Variants in MFSD2A observed in about 807,000 individuals in gnomAD.
The protein encoded by MFSD2A is sodium-dependent lysophosphatidylcholine symporter 1.
MFSD2A carries 27 observed loss-of-function variants against 64.7 expected under a neutral mutation model. That is an observed-to-expected ratio of 0.42 (90% CI 0.31 to 0.58). The LOEUF (loss-of-function observed/expected upper bound fraction) is 0.58. Among genes scored for constraint, MFSD2A ranks in the 20% least tolerant of loss-of-function variants. MFSD2A has a pLI of 0.18. For synonymous variants in MFSD2A, 258 were observed against 273.4 expected, an observed-to-expected ratio of 0.94 and a Z score of 0.55; for missense variants, 474 against 679.5, an observed-to-expected ratio of 0.70 and a Z score of 3.36.
intron 2 of MFSD2A, chr1:39,957,806 G>A (rs557476886): frequency 6.5e-6 from 1 of 152,734 alleles, no homozygotes; most frequent in African/African-American, 2.4e-5. Context: ...GGGAGAGTGG[G>A]AGGCAGAATA....
chr1:39,969,623 C>A lies in MFSD2A; in HGVS notation c.*55C>A. On this transcript the variant is annotated 3_prime_UTR_variant, in exon 14 of 14. Transcript: ENST00000372811. ...CAGAAGGCCACAGAAGGGATCAGGA[C>A]CTGTCTGCCGGCTTGCTGAGCAGCT... 1 of 1,531,466 alleles carries A rather than the reference C, an allele frequency of 6.5e-7. No homozygotes were observed. Among genetic ancestry groups the A allele is most frequent in the South Asian group, 1.2e-5 (1 of 85,250 alleles). 94.9% of individuals were successfully genotyped at this position (1,531,466 alleles called of 1,614,324 possible).
chr1:39,955,800 T>G lies in MFSD2A; in HGVS notation c.93+415T>G, dbSNP rs1338538034. 2.6e-6 allele frequency: 1 copy of G among 378,322 alleles called. No individual in the cohort carries two copies. The highest frequency in any genetic ancestry group is 2.0e-5 in the South Asian group (1 of 50,684). 23.4% of individuals were successfully genotyped at this position (378,322 alleles called of 1,614,324 possible). ...CCCACCTACTCTTGCGCCTCAACTCTGCTGTTAGGGCCGCTCAAGTTCATT... is the reference window on the plus strand; with the variant it reads ...CCCACCTACTCTTGCGCCTCAACTCGGCTGTTAGGGCCGCTCAAGTTCATT... On this transcript the variant is annotated intron_variant, in intron 1 of 13. Transcript: ENST00000372811. This position sits in a 1 kb window ranked among gnomAD's most constrained non-coding sequence, Gnocchi z 5.9.
chr1:39,965,383 C>A lies in MFSD2A; in HGVS notation c.477+49C>A. Reference sequence around the variant, plus strand: ...GTGTCTCTAGGGGCCGGGAGGAGGGCGGTCCTTGGGGCCCCCAGGGTTGGT... The same window carrying A: ...GTGTCTCTAGGGGCCGGGAGGAGGGAGGTCCTTGGGGCCCCCAGGGTTGGT... On this transcript the variant is annotated intron_variant, in intron 4 of 13. Coordinates refer to ENST00000372811, the MANE Select transcript of MFSD2A (RefSeq NM_032793.5). This position sits in a 1 kb window ranked among gnomAD's most constrained non-coding sequence, Gnocchi z 5.5. The A allele has an allele frequency of 6.2e-7, 1 of 1,613,362 alleles. No homozygotes were observed. Among genetic ancestry groups the A allele is most frequent in the Non-Finnish European group, 8.5e-7 (1 of 1,179,616 alleles).
intron 3 of MFSD2A, chr1:39,962,609 C>T: frequency 1.3e-6 from 1 of 793,692 alleles, no homozygotes; most frequent in South Asian, 1.5e-5. Flanking sequence ...GGATGGGGAA[C>T]TCTGGTGCCT....
intron 3 of MFSD2A, among the ~76,000 whole-genome samples, chr1:39,962,264 C>T (rs949206987): frequency 4.6e-5 from 7 of 152,178 alleles, no homozygotes; most frequent in Non-Finnish European, 7.3e-5. Context: ...TCCCTTTGCC[C>T]GGTCCACTCT....
At chr1:39,961,346 G>GAA (rs1645039776) in intron 3 of MFSD2A, among the ~76,000 whole-genome samples, 3 of 9,848 alleles carry the variant, frequency 3.0e-4, no homozygotes. Context: ...CCCCCCCCCC[G>GAA]CTTTTTTTGT....
Position 39,965,044 on chromosome 1 carries a change from A to T in MFSD2A, c.354-167A>T. Reference sequence around the variant, plus strand: ...ATCTGCCATTCCGGGCTTGGTCATCAGCCTCTTCCCAGAGGCCCAGGATGG... The same window carrying T: ...ATCTGCCATTCCGGGCTTGGTCATCTGCCTCTTCCCAGAGGCCCAGGATGG... On this transcript the variant is annotated intron_variant, in intron 3 of 13. Transcript: ENST00000372811. The surrounding 1 kb of genome is among the most constrained non-coding windows in gnomAD (Gnocchi z 5.5). The T allele has an allele frequency of 1.1e-6, 1 of 887,028 alleles. No homozygotes were observed. Among genetic ancestry groups the T allele is most frequent in the Non-Finnish European group, 1.7e-6 (1 of 596,364 alleles). 54.9% of individuals were successfully genotyped at this position (887,028 alleles called of 1,614,324 possible). A position where few individuals can be genotyped will look rare whatever the true frequency, so the allele number is the denominator to read the frequency against.
At position 39,963,804 on chromosome 1, in the gene MFSD2A, G is replaced by A. The variant is rs1401848634; in HGVS notation, c.354-1407G>A. On this transcript the variant is annotated intron_variant, in intron 3 of 13. Transcript: ENST00000372811. The surrounding 1 kb of genome is among the most constrained non-coding windows in gnomAD (Gnocchi z 4.2). The stretch of plus-strand genomic sequence containing the variant: ...GGCTGGAGTGCAGTGGTGCGATCTC[G>A]GCTCACTGCAACCTCTGCCTCCCGG... 1.3e-5 allele frequency among the ~76,000 whole-genome samples: 2 copies of A among 152,126 alleles called. No homozygotes were observed. The highest frequency in any genetic ancestry group is 6.5e-5 in the Admixed American group (1 of 15,270).
Position 39,963,199 on chromosome 1 carries a change from G to T in MFSD2A, c.354-2012G>T, listed in dbSNP as rs1645083290. On this transcript the variant is annotated intron_variant, in intron 3 of 13. Coordinates refer to ENST00000372811, the MANE Select transcript of MFSD2A (RefSeq NM_032793.5). This position sits in a 1 kb window ranked among gnomAD's most constrained non-coding sequence, Gnocchi z 4.2. ...CCCAAGAAGCTGCTCATGATGGCTG[G>T]TATCGATGACTGCTACACCTCAGCC... 3.8e-6 allele frequency: 6 copies of T among 1,578,520 alleles called. No homozygotes were observed. The highest frequency in any genetic ancestry group is 5.2e-6 in the Non-Finnish European group (6 of 1,164,088).
At chr1:39,967,265 G>A (rs1645184239) in intron 9 of MFSD2A, 96 bp downstream of exon 9, 1 of 1,173,484 alleles carries the variant, frequency 8.5e-7, no homozygotes, top group Non-Finnish European at 1.2e-6. Context: ...TCTCAGGCTG[G>A]CCCAAGGTCA....
rs535504721 is a variant in MFSD2A at position 39,967,520 on chromosome 1, C to G, written c.1012-108C>G. The G allele has an allele frequency of 5.1e-6, 5 of 981,476 alleles. No homozygotes were observed. The East Asian group carries it at 1.2e-4, about 23-fold the overall frequency. 60.8% of individuals were successfully genotyped at this position (981,476 alleles called of 1,614,324 possible). On this transcript the variant is annotated intron_variant, in intron 9 of 13. Transcript: ENST00000372811. Reference sequence around the variant, plus strand: ...TTCGTTGCTGCCCACATGATGTCATCTGGCTGCTCTTGGGCAGGGCTGGGA... The same window carrying G: ...TTCGTTGCTGCCCACATGATGTCATGTGGCTGCTCTTGGGCAGGGCTGGGA...
intron 6 of MFSD2A, 21 bp from the exon 7 acceptor site, chr1:39,966,579 TG>T: frequency 1.9e-6 from 3 of 1,594,936 alleles, no homozygotes; most frequent in Middle Eastern, 1.7e-4. Context: ...CATCCTTGTA[TG>T]TCGCCTTCAC....
chr1:39,964,647 GGT>G lies in MFSD2A; in HGVS notation c.354-548_354-547del, dbSNP rs150120965. On this transcript the variant is annotated intron_variant, in intron 3 of 13. Coordinates refer to ENST00000372811, the MANE Select transcript of MFSD2A (RefSeq NM_032793.5). The surrounding 1 kb of genome is among the most constrained non-coding windows in gnomAD (Gnocchi z 4.1). ...ATGCCAGCTTCCCTGTGTGTGAATGGGTGTGTGTGTGTGTGTGAATGGGGTGT... is the reference window on the plus strand; with the variant it reads ...ATGCCAGCTTCCCTGTGTGTGAATGGGTGTGTGTGTGTGTGAATGGGGTGT... 4,145 of 150,730 alleles carry G rather than the reference GGT, an allele frequency of 0.027. 196 individuals are homozygous for G. The highest frequency in any genetic ancestry group is 0.095 in the African/African-American group (3,922 of 41,124). 9.3% of individuals were successfully genotyped at this position (150,730 alleles called of 1,614,324 possible).
In MFSD2A at chr1:39,962,947, A is replaced by G. The variant is rs1401654220; in HGVS notation, c.354-2264A>G. The G allele has an allele frequency of 1.2e-5, 19 of 1,556,366 alleles. No homozygotes were observed. In the Admixed American group the frequency reaches 2.4e-4, roughly 19 times the overall value. On this transcript the variant is annotated intron_variant, in intron 3 of 13. Coordinates refer to ENST00000372811, the MANE Select transcript of MFSD2A (RefSeq NM_032793.5). ...GCGTTTGTTGCTATCGGAGACTACA[A>G]TGGCCATGTCGGTCTGGGTGTTAAG...
Position 39,967,148 on chromosome 1 carries a change from G to A in MFSD2A, c.990G>A (p.Gln330=). 1 of 1,614,032 alleles carries A rather than the reference G, an allele frequency of 6.2e-7. No individual in the cohort carries two copies. Among genetic ancestry groups the A allele is most frequent in the Non-Finnish European group, 8.5e-7 (1 of 1,179,988 alleles). Residue 330 remains glutamine (Q), a synonymous_variant, in exon 9 of 14, where the codon CAG becomes CAA. Coordinates refer to ENST00000372811, the MANE Select transcript of MFSD2A (RefSeq NM_032793.5). The part of the protein sequence containing the change: ...TYTLGFRNEF[Q]NLLLAIMLSA... ...CCTTGGGCTTCCGCAATGAATTCCA[G>A]AATCTACTCCTGGCCATCATGGTGA... is the stretch of plus-strand genomic sequence containing the variant.
rs1645091522 is a variant in MFSD2A at position 39,963,578 on chromosome 1, C to T, written c.354-1633C>T. ...AGGCATGTGCCACTGCCATTACAGC[C>T]ATTTTTAAGTGTACAGTTCAGTGGC... On this transcript the variant is annotated intron_variant, in intron 3 of 13. Coordinates refer to ENST00000372811, the MANE Select transcript of MFSD2A (RefSeq NM_032793.5). The surrounding 1 kb of genome is among the most constrained non-coding windows in gnomAD (Gnocchi z 4.2). Among the ~76,000 whole-genome samples, 1 of 152,054 alleles carries T rather than the reference C, an allele frequency of 6.6e-6. No individual in the cohort carries two copies. Among genetic ancestry groups the T allele is most frequent in the Non-Finnish European group, 1.5e-5 (1 of 67,988 alleles).
At chr1:39,962,982 G>A in intron 3 of MFSD2A, 19 of 1,531,714 alleles carry the variant, frequency 1.2e-5, no homozygotes, top group Non-Finnish European at 1.6e-5. Context: ...GTGCTCCAAG[G>A]AGGTGGCCAC....
Position 39,969,845 on chromosome 1 carries a change from T to C in MFSD2A, c.*277T>C, listed in dbSNP as rs1645245102. 2.1e-6 allele frequency: 1 copy of C among 482,840 alleles called. No individual in the cohort carries two copies. The highest frequency in any genetic ancestry group is 2.0e-5 in the African/African-American group (1 of 48,962). 29.9% of individuals were successfully genotyped at this position (482,840 alleles called of 1,614,324 possible). On this transcript the variant is annotated 3_prime_UTR_variant, in exon 14 of 14. Transcript: ENST00000372811. Reference sequence around the variant, plus strand: ...CCCGGAACACTAATGTAGAAACCTTTTTTTTTACAGAGCCTAATTAATAAC... The same window carrying C: ...CCCGGAACACTAATGTAGAAACCTTCTTTTTTACAGAGCCTAATTAATAAC...
intron 3 of MFSD2A, among the ~76,000 whole-genome samples, chr1:39,961,210 G>C (rs1645033091): frequency 6.6e-6 from 1 of 151,244 alleles, no homozygotes; most frequent in Admixed American, 6.6e-5. Context: ...AACTGGGTCT[G>C]TCAGGGTTTG....
Sources: allele counts gnomAD v4.1 joint callset (sites outside exome capture counted in the v4.1 genomes callset), GRCh38; gene constraint gnomAD v4.1.1; non-coding constraint Gnocchi (gnomAD v3.1); transcripts MANE v1.5; gene names NCBI Gene and HGNC (gene_info 2026-07-23, HGNC 2026-07-21).